The following MAP2K1 variants were observed in gnomAD, a reference collection of about 807,000 sequenced individuals.
The protein encoded by MAP2K1 is mitogen-activated protein kinase kinase 1.
Under a neutral mutation model 46.3 loss-of-function variants are expected in MAP2K1, and 16 were observed. That is an observed-to-expected ratio of 0.35 (90% confidence interval 0.23 to 0.52). The LOEUF is 0.52. Among genes scored for constraint, MAP2K1 ranks in the 20% least tolerant of loss-of-function variants. MAP2K1 has a pLI of 0.94. For synonymous variants in MAP2K1, 183 were observed against 185.6 expected, an observed-to-expected ratio of 0.99 and a Z score of 0.11; for missense variants, 263 against 497.1, an observed-to-expected ratio of 0.53 and a Z score of 4.48.
In MAP2K1 at chr15:66,485,084, T is replaced by C; in HGVS notation, c.788T>C (p.Ile263Thr). The C allele has an allele frequency of 6.2e-7, 1 of 1,613,900 alleles. No individual in the cohort carries two copies. Among genetic ancestry groups the C allele is most frequent in the Non-Finnish European group, 8.5e-7 (1 of 1,179,968 alleles). Residue 263 changes from isoleucine to threonine, a missense_variant, in exon 7 of 11, where the codon ATC (isoleucine) becomes ACC (threonine). Around this residue, in one of 4 missense-constraint regions of MAP2K1, gnomAD observed 118 missense variants for 193.0 expected, o/e 0.61. Coordinates refer to ENST00000307102, the MANE Select transcript of MAP2K1 (RefSeq NM_002755.4). ...GAGATGGCGGTTGGGAGGTATCCCA[T>C]CCCTCCTCCAGATGCCAAGGAGCTG... The part of the protein sequence containing the change: ...LVEMAVGRYP[I>T]PPPDAKELEL...
intron 9 of MAP2K1, 67 bp from the exon 10 acceptor site, chr15:66,489,651 C>A: frequency 1.6e-6 from 2 of 1,216,950 alleles, no homozygotes; most frequent in Non-Finnish European, 2.4e-6. Context: ...GACAGGCATG[C>A]AAACATGTTA....
chr15:66,489,447 T>C (rs572773608), intron 9 of MAP2K1, 171 bp downstream of exon 9: 10 of 713,082 alleles, frequency 1.4e-5, no homozygotes, highest in African/African-American at 7.1e-5. Flanking sequence ...CCAAGACTTA[T>C]GTGGCATGTC....
At chr15:66,459,693 C>T (rs901133317) in intron 5 of MAP2K1, among the ~76,000 whole-genome samples, 2 of 152,090 alleles carry the variant, frequency 1.3e-5, no homozygotes, top group Non-Finnish European at 2.9e-5. Context: ...CACGGTGTCC[C>T]AGTGACAGCC....
At chr15:66,489,466 T>C (rs1037277657) in intron 9 of MAP2K1, 190 bp downstream of exon 9, 1 of 680,770 alleles carries the variant, frequency 1.5e-6, no homozygotes, top group Non-Finnish European at 2.6e-6. Context: ...TCTAACTACA[T>C]CATGGATGTA....
intron 1 of MAP2K1, among the ~76,000 whole-genome samples, chr15:66,405,794 T>C (rs180851070): frequency 6.6e-6 from 1 of 152,326 alleles, no homozygotes; most frequent in East Asian, 1.9e-4. Context: ...AAATGAAATA[T>C]ATTTGTTGGA....
At chr15:66,485,247 T>C in intron 7 of MAP2K1, 56 bp downstream of exon 7, 1 of 1,511,384 alleles carries the variant, frequency 6.6e-7, no homozygotes, top group Non-Finnish European at 9.1e-7. Flanking sequence ...GTCCCTTACT[T>C]TCAGGGGTTT....
chr15:66,445,157 T>TGG (rs66489967), intron 5 of MAP2K1, among the ~76,000 whole-genome samples: 2,099 of 106,248 alleles, frequency 0.02, 20 homozygotes, highest in Middle Eastern at 0.04. Flanking sequence ...CGGGGGGAGG[T>TGG]GGGGGGGTGG....
At chr15:66,448,647 A>C (rs898808498) in intron 5 of MAP2K1, among the ~76,000 whole-genome samples, 1 of 152,188 alleles carries the variant, frequency 6.6e-6, no homozygotes, top group African/African-American at 2.4e-5. Context: ...TAGCTTGTAC[A>C]TATGGTTCAG....
At chr15:66,464,181 C>T (rs11071892) in intron 5 of MAP2K1, among the ~76,000 whole-genome samples, 42,162 of 152,084 alleles carry the variant, frequency 0.28, 6,517 homozygotes, top group South Asian at 0.37. Flanking sequence ...TCGGATCTCT[C>T]GCGGCTAGGA....
chr15:66,487,889 C>T (rs759827396), intron 8 of MAP2K1, among the ~76,000 whole-genome samples: 27 of 152,116 alleles, frequency 1.8e-4, no homozygotes, highest in Non-Finnish European at 3.1e-4. Flanking sequence ...TACGCCATTG[C>T]GTCTCCTAGT....
Position 66,490,967 on chromosome 15 carries a change from A to G in MAP2K1, c.*352A>G, listed in dbSNP as rs1012232852. On this transcript the variant is annotated 3_prime_UTR_variant, in exon 11 of 11. Coordinates refer to ENST00000307102, the MANE Select transcript of MAP2K1 (RefSeq NM_002755.4). ...GCTCCATGACTGGCTGTCTGCCTGT[A>G]TTTTCGGGATTCTTTGACATTTGGT... The G allele has an allele frequency of 4.1e-5, 18 of 436,360 alleles. No homozygotes were observed. In the East Asian group the frequency reaches 6.9e-4, roughly 17 times the overall value. 27.0% of individuals were successfully genotyped at this position (436,360 alleles called of 1,614,324 possible).
intron 5 of MAP2K1, among the ~76,000 whole-genome samples, chr15:66,458,897 C>A (rs1489549178): frequency 6.6e-6 from 1 of 152,106 alleles, no homozygotes; most frequent in South Asian, 2.1e-4. Flanking sequence ...GCTTATTATA[C>A]CTTGGGGCCA....
At chr15:66,454,402 GA>G (rs1371750562) in intron 5 of MAP2K1, among the ~76,000 whole-genome samples, 1 of 152,184 alleles carries the variant, frequency 6.6e-6, no homozygotes, top group Non-Finnish European at 1.5e-5. Context: ...GGAAAATGGA[GA>G]AAACAGAACC....
chr15:66,433,942 C>CA (rs2093480977), intron 1 of MAP2K1, among the ~76,000 whole-genome samples: 1 of 152,218 alleles, frequency 6.6e-6, no homozygotes, highest in East Asian at 1.9e-4. Flanking sequence ...GCAATGCCCA[C>CA]AGCATGCTGA....
At chr15:66,427,427 C>T (rs773179747) in intron 1 of MAP2K1, among the ~76,000 whole-genome samples, 67 of 151,880 alleles carry the variant, frequency 4.4e-4, no homozygotes, top group Non-Finnish European at 8.8e-4. Flanking sequence ...GGTGTGGTGG[C>T]GGGCGCCTGT....
intron 1 of MAP2K1, among the ~76,000 whole-genome samples, chr15:66,404,781 C>T (rs948216221): frequency 4.6e-5 from 7 of 151,332 alleles, no homozygotes; most frequent in African/African-American, 9.8e-5. Context: ...ACACGGTGAG[C>T]GGAAATGGTG....
intron 8 of MAP2K1, among the ~76,000 whole-genome samples, chr15:66,487,734 G>A (rs939930383): frequency 1.1e-4 from 16 of 152,060 alleles, no homozygotes; most frequent in Admixed American, 2.0e-4. Flanking sequence ...GGATTAGTTC[G>A]TCGCTGCTTA....
chr15:66,435,311 G>A, intron 2 of MAP2K1, 74 bp downstream of exon 2: 1 of 1,260,462 alleles, frequency 7.9e-7, no homozygotes, highest in South Asian at 1.2e-5. Flanking sequence ...CAGGGTAGAA[G>A]GAAGACTGAT....
intron 1 of MAP2K1, among the ~76,000 whole-genome samples, chr15:66,408,057 C>A (rs1365215699): frequency 1.3e-5 from 2 of 152,212 alleles, no homozygotes; most frequent in East Asian, 3.8e-4. Context: ...CTTTTACATC[C>A]TTGGGTCTGT....
Sources: gnomAD v4.1 joint callset for allele counts (sites outside exome capture counted in the v4.1 genomes callset) on GRCh38, gnomAD v4.1.1 for gene constraint, gnomAD v4.1.1 regional missense constraint, MANE v1.5 for transcripts, NCBI Gene and HGNC (gene_info 2026-07-23, HGNC 2026-07-21) for gene names.